ZEB1: variants seen among roughly 807,000 people sequenced by gnomAD.
The protein encoded by ZEB1 is zinc finger E-box binding homeobox 1, also known as zinc finger E-box-binding homeobox 1.
ZEB1 carries 21 observed loss-of-function variants against 84.9 expected under a neutral mutation model. The ratio of observed to expected loss-of-function variants is 0.25; its 90% CI spans 0.18 to 0.36. The LOEUF (loss-of-function observed/expected upper bound fraction) is 0.36. Ranked by LOEUF, ZEB1 falls within the 10% of genes least tolerant of loss-of-function variation. The probability of loss-of-function intolerance (pLI) is 1.00; values close to 1 mark genes in which losing one functional copy is unlikely to be tolerated. For missense variants in ZEB1, 1,104 were observed against 1,330.2 expected, an observed-to-expected ratio of 0.83 and a Z score of 2.65; for synonymous variants, 420 against 471.1, an observed-to-expected ratio of 0.89 and a Z score of 1.41.
At chr10:31,469,431 T>G (rs1340712778) in intron 2 of ZEB1, among the ~76,000 whole-genome samples, 5 of 152,244 alleles carry the variant, frequency 3.3e-5, no homozygotes, top group South Asian at 2.1e-4. Context: ...TTCCCTTTCC[T>G]AGTCAAAGAA....
intron 1 of ZEB1, among the ~76,000 whole-genome samples, chr10:31,450,162 T>G (rs1483425315): frequency 6.6e-6 from 1 of 152,250 alleles, no homozygotes; most frequent in African/African-American, 2.4e-5. Context: ...TTAGGTAGAA[T>G]TGACATATTT....
At chr10:31,449,274 C>T (rs1009648471) in intron 1 of ZEB1, among the ~76,000 whole-genome samples, 60 of 152,320 alleles carry the variant, frequency 3.9e-4, no homozygotes, top group East Asian at 1.9e-4. Context: ...CTTCGGCTTG[C>T]GCACAGTGCG....
In ZEB1 at chr10:31,520,727, G is replaced by A. The variant is rs2072138162; in HGVS notation, c.1395G>A (p.Leu465=). The A allele has an allele frequency of 4.3e-6, 7 of 1,614,036 alleles. No homozygotes were observed. The highest frequency in any genetic ancestry group is 5.9e-6 in the Non-Finnish European group (7 of 1,179,980). The part of the protein sequence containing the change: ...HSVISAISLP[L]VDQDGTTKII... ...TTATTTCAGCCATCAGTCTTCCTTT[G>A]GTTGATCAAGATGGAACAACCAAAA... is the stretch of plus-strand genomic sequence containing the variant. Residue 465 remains leucine (L), a synonymous_variant, in exon 7 of 9, where the codon TTG becomes TTA. Coordinates refer to ENST00000424869, the MANE Select transcript of ZEB1 (RefSeq NM_001174096.2). The surrounding 1 kb of genome is among the most constrained non-coding windows in gnomAD (Gnocchi z 5.1).
At chr10:31,476,803 A>G (rs996308279) in intron 2 of ZEB1, among the ~76,000 whole-genome samples, 1 of 152,134 alleles carries the variant, frequency 6.6e-6, no homozygotes, top group Non-Finnish European at 1.5e-5. Context: ...TTAAAAAGAA[A>G]AACGATATGA....
intron 1 of ZEB1, among the ~76,000 whole-genome samples, chr10:31,362,521 G>A (rs1273739388): frequency 2.0e-5 from 3 of 149,296 alleles, no homozygotes; most frequent in East Asian, 4.0e-4. Context: ...CTGCCCAGAC[G>A]GGGCAGGGCC....
intron 1 of ZEB1, among the ~76,000 whole-genome samples, chr10:31,350,950 A>G (rs766281174): frequency 1.3e-5 from 2 of 152,312 alleles, no homozygotes; most frequent in Non-Finnish European, 2.9e-5. Context: ...TAGTGAGTTC[A>G]TTGCTTGACT....
intron 1 of ZEB1, among the ~76,000 whole-genome samples, chr10:31,331,451 A>G (rs891801036): frequency 6.6e-6 from 1 of 152,124 alleles, no homozygotes; most frequent in Non-Finnish European, 1.5e-5. Flanking sequence ...AAATAATTCC[A>G]TTTATCTGGG....
intron 1 of ZEB1, among the ~76,000 whole-genome samples, chr10:31,371,203 A>G (rs1347871380): frequency 3.3e-5 from 5 of 152,146 alleles, no homozygotes; most frequent in African/African-American, 1.2e-4. Context: ...TTGTAATCTG[A>G]TAGTGACTTT....
At chr10:31,400,790 A>G (rs1306901425) in intron 1 of ZEB1, among the ~76,000 whole-genome samples, 3 of 152,166 alleles carry the variant, frequency 2.0e-5, no homozygotes, top group Admixed American at 2.0e-4. Context: ...AGCTTTTGTT[A>G]AAGTAACTGC....
chr10:31,451,420 C>T (rs1234376696), intron 1 of ZEB1, among the ~76,000 whole-genome samples: 1 of 152,026 alleles, frequency 6.6e-6, no homozygotes, highest in Admixed American at 6.6e-5. Flanking sequence ...TACATGGCTT[C>T]TCTATTTTTT....
In ZEB1 at chr10:31,410,380, T is replaced by C. The variant is rs181730945; in HGVS notation, c.59-50657T>C. ...GACCTAATCGTGGTGGATAAGCTTT[T>C]TGATACACTGCCGGATTCAGTTTGC... On this transcript the variant is annotated intron_variant, in intron 1 of 8. Transcript: ENST00000424869. Among the ~76,000 whole-genome samples, 234 of 152,340 alleles carry C rather than the reference T, an allele frequency of 1.5e-3. 4 individuals are homozygous for C. The highest frequency in any genetic ancestry group is 3.9e-4 in the East Asian group (2 of 5,184).
chr10:31,489,353 GTAATTA>G lies in ZEB1; in HGVS notation c.260-6417_260-6412del, dbSNP rs1393100735. On this transcript the variant is annotated intron_variant, in intron 2 of 8. Coordinates refer to ENST00000424869, the MANE Select transcript of ZEB1 (RefSeq NM_001174096.2). ...TTTTATCCTTTTACTTTTAAACTAT[GTAATTA>G]TAATTGAAGAAATTTTTGTAGATAG... Among the ~76,000 whole-genome samples, 4 of 151,264 alleles carry G rather than the reference GTAATTA, an allele frequency of 2.6e-5. 1 individual carries two copies. The highest frequency in any genetic ancestry group is 2.0e-4 in the Admixed American group (3 of 15,152).
At chr10:31,321,764 T>TA (rs2034140666) in intron 1 of ZEB1, 2 of 585,710 alleles carry the variant, frequency 3.4e-6, no homozygotes. Context: ...ACAGATGACT[T>TA]AAGGGGGGAA....
chr10:31,337,936 G>A (rs1222190449), intron 1 of ZEB1, among the ~76,000 whole-genome samples: 1 of 152,022 alleles, frequency 6.6e-6, no homozygotes. Flanking sequence ...ACCTGCCTTG[G>A]CCTCCCATAG....
intron 1 of ZEB1, among the ~76,000 whole-genome samples, chr10:31,449,269 G>C (rs1025801498): frequency 2.6e-5 from 4 of 152,336 alleles, no homozygotes; most frequent in Admixed American, 6.5e-5. Flanking sequence ...CCCTGCTTCG[G>C]CTTGCGCACA....
chr10:31,373,102 C>A (rs2045995170), intron 1 of ZEB1: 1 of 985,230 alleles, frequency 1.0e-6, no homozygotes, highest in African/African-American at 1.8e-5. Context: ...TGTGATTTGG[C>A]TACTGTCTGC....
chr10:31,333,081 A>T (rs771472624), intron 1 of ZEB1, among the ~76,000 whole-genome samples: 3 of 152,136 alleles, frequency 2.0e-5, no homozygotes, highest in African/African-American at 4.8e-5. Context: ...TTGCTAATAG[A>T]TAAAGGAGTT....
At chr10:31,458,300 G>A (rs2061460363) in intron 1 of ZEB1, among the ~76,000 whole-genome samples, 1 of 149,888 alleles carries the variant, frequency 6.7e-6, no homozygotes, top group South Asian at 2.1e-4. Context: ...TTGCCAGTAA[G>A]CATCTCCATT....
In ZEB1 at chr10:31,526,948, G is replaced by A. The variant is rs2073564155; in HGVS notation, c.3062G>A (p.Gly1021Asp). ...GGTGCCAGGGCGTCTCCCTCACAGG[G>A]CGACTCGGACGAGAGAGAGAGTTTG... is the stretch of plus-strand genomic sequence containing the variant. Reference protein sequence around the residue: ...HVGARASPSQGDSDERESLTR... With the variant: ...HVGARASPSQDDSDERESLTR... The change falls in exon 9 of 9, where the codon GGC (glycine) becomes GAC (aspartate). Residue 1021 changes from glycine (G) to aspartate (D), a missense_variant. Transcript: ENST00000424869. 16 of 1,614,028 alleles carry A rather than the reference G, an allele frequency of 9.9e-6. No homozygotes were observed. Among genetic ancestry groups the A allele is most frequent in the Non-Finnish European group, 1.4e-5 (16 of 1,179,996 alleles).
Sources: allele counts gnomAD v4.1 joint callset (sites outside exome capture counted in the v4.1 genomes callset), GRCh38; gene constraint gnomAD v4.1.1; non-coding constraint Gnocchi (gnomAD v3.1); transcripts MANE v1.5; gene names NCBI Gene and HGNC (gene_info 2026-07-23, HGNC 2026-07-21).